Variants in CFAP20DC observed in about 807,000 individuals in gnomAD.
The protein encoded by CFAP20DC is CFAP20 domain containing.
A neutral mutation model predicts 101.7 loss-of-function variants in CFAP20DC; 84 were observed. The ratio of observed to expected loss-of-function variants is 0.83; its 90% CI spans 0.69 to 0.99. CFAP20DC has a LOEUF of 0.99. Among genes scored for constraint, CFAP20DC ranks in the 50% least tolerant of loss-of-function variants. The pLI is 0.00. For missense variants in CFAP20DC, 1,007 were observed against 970.3 expected (o/e 1.04, Z -0.50); for synonymous variants, 359 against 351.2 (o/e 1.02, Z -0.25).
intron 12 of CFAP20DC, chr3:58,862,744 G>A: frequency 9.3e-6 from 9 of 970,796 alleles, no homozygotes; most frequent in Non-Finnish European, 1.1e-5. Flanking sequence ...ATATAGAAAA[G>A]CTTTGTACAT....
In CFAP20DC at chr3:58,795,786, G is replaced by A. The variant is rs1204320996; in HGVS notation, c.2237+10609C>T. ...TGGGTTTCATAAGTTTATAATTTTC[G>A]AAAACATGACAATAACTGAAAATTA... On this transcript the variant is annotated intron_variant, in intron 15 of 16. Transcript: ENST00000482387. This position sits in a 1 kb window ranked among gnomAD's most constrained non-coding sequence, Gnocchi z 4.2. 1.3e-5 allele frequency among the ~76,000 whole-genome samples: 2 copies of A among 152,084 alleles called. No homozygotes were observed. Among genetic ancestry groups the A allele is most frequent in the Non-Finnish European group, 2.9e-5 (2 of 68,022 alleles).
At chr3:58,766,387 A>G (rs2070314639) in intron 15 of CFAP20DC, among the ~76,000 whole-genome samples, 1 of 152,086 alleles carries the variant, frequency 6.6e-6, no homozygotes, top group South Asian at 2.1e-4. Context: ...TTTTTCTCCT[A>G]AATAGCTTTG....
intron 16 of CFAP20DC, among the ~76,000 whole-genome samples, chr3:58,749,799 T>G (rs141221844): frequency 1.3e-5 from 2 of 152,242 alleles, no homozygotes; most frequent in Non-Finnish European, 2.9e-5. Flanking sequence ...TTGACAACTA[T>G]TCTTTGAGCA....
At chr3:58,905,759 G>A (rs953199468) in intron 6 of CFAP20DC, among the ~76,000 whole-genome samples, 3 of 152,128 alleles carry the variant, frequency 2.0e-5, no homozygotes, top group Non-Finnish European at 4.4e-5. Context: ...AGGTTAAAAA[G>A]CTTCCTATGA....
In CFAP20DC at chr3:58,866,970, A is replaced by G. The variant is rs117589760; in HGVS notation, c.1136-282T>C. On this transcript the variant is annotated intron_variant, in intron 10 of 16. Coordinates refer to ENST00000482387, the MANE Select transcript of CFAP20DC (RefSeq NM_001394063.1). Reference sequence around the variant, plus strand: ...GAATGCCAAAACCCATAAAATTTTTAAAGGATCTTATATTTTTTCCCTTGG... The same window carrying G: ...GAATGCCAAAACCCATAAAATTTTTGAAGGATCTTATATTTTTTCCCTTGG... Among the ~76,000 whole-genome samples, 637 of 152,286 alleles carry G rather than the reference A, an allele frequency of 4.2e-3. 8 individuals are homozygous for G. Among genetic ancestry groups the G allele is most frequent in the Non-Finnish European group, 3.4e-3 (233 of 68,024 alleles).
chr3:58,962,744 T>C (rs1282930456), intron 4 of CFAP20DC, among the ~76,000 whole-genome samples: 1 of 152,168 alleles, frequency 6.6e-6, no homozygotes, highest in Non-Finnish European at 1.5e-5. Flanking sequence ...GGCCCTCTTG[T>C]GTCTCCTCTG....
At chr3:59,011,136 G>C (rs1024494949) in intron 4 of CFAP20DC, among the ~76,000 whole-genome samples, 3 of 152,258 alleles carry the variant, frequency 2.0e-5, no homozygotes, top group African/African-American at 4.8e-5. Flanking sequence ...GGTGGCTCAC[G>C]CCTGTAATCC....
intron 6 of CFAP20DC, among the ~76,000 whole-genome samples, chr3:58,889,742 T>C (rs547317936): frequency 4.8e-4 from 65 of 135,716 alleles, no homozygotes; most frequent in Non-Finnish European, 9.2e-4. Context: ...AGATTAGGGA[T>C]TGGTGATGAC....
At chr3:58,951,223 G>T (rs1445786612) in intron 4 of CFAP20DC, among the ~76,000 whole-genome samples, 2 of 152,224 alleles carry the variant, frequency 1.3e-5, no homozygotes, top group Non-Finnish European at 2.9e-5. Context: ...TCTCACACCA[G>T]TTAGAATGGT....
At position 58,843,409 on chromosome 3, in the gene CFAP20DC, A is replaced by G. The variant is rs1357166475; in HGVS notation, c.1971+5623T>C. ...CATGTGATCAACTGGAAGAAAGGGTATCAGCAATGGAAGATGAAATGAATG... is the reference window on the plus strand; with the variant it reads ...CATGTGATCAACTGGAAGAAAGGGTGTCAGCAATGGAAGATGAAATGAATG... On this transcript the variant is annotated intron_variant, in intron 13 of 16. Coordinates refer to ENST00000482387, the MANE Select transcript of CFAP20DC (RefSeq NM_001394063.1). Among the ~76,000 whole-genome samples the G allele has an allele frequency of 4.6e-5, 7 of 152,144 alleles. No homozygotes were observed. In the South Asian group the frequency reaches 1.0e-3, roughly 23 times the overall value.
At position 58,856,029 on chromosome 3, in the gene CFAP20DC, G is replaced by GA. The variant is rs947389220; in HGVS notation, c.1594-6621dup. ...GAAAGAAAAAAAGGAATGACTGTAGGAAAAAAAACTTCAAAATAAAGTAGA... is the reference window on the plus strand; with the variant it reads ...GAAAGAAAAAAAGGAATGACTGTAGGAAAAAAAAACTTCAAAATAAAGTAGA... On this transcript the variant is annotated intron_variant, in intron 12 of 16. Transcript: ENST00000482387. 1.3e-4 allele frequency among the ~76,000 whole-genome samples: 20 copies of GA among 150,178 alleles called. No individual in the cohort carries two copies. The South Asian group carries it at 3.8e-3, about 29-fold the overall frequency.
At chr3:58,852,185 T>A (rs945180086) in intron 12 of CFAP20DC, among the ~76,000 whole-genome samples, 1 of 152,144 alleles carries the variant, frequency 6.6e-6, no homozygotes, top group Non-Finnish European at 1.5e-5. Context: ...TTTCTTCTCC[T>A]GTGACAATTC....
At chr3:58,887,622 G>C (rs984455492) in intron 6 of CFAP20DC, among the ~76,000 whole-genome samples, 2 of 152,096 alleles carry the variant, frequency 1.3e-5, no homozygotes, top group Non-Finnish European at 2.9e-5. Context: ...AACAAGGCAG[G>C]GACTATCACA....
At chr3:59,031,778 A>C (rs188041611) in intron 4 of CFAP20DC, among the ~76,000 whole-genome samples, 5 of 152,232 alleles carry the variant, frequency 3.3e-5, no homozygotes, top group South Asian at 2.1e-4. Context: ...AATTCATATA[A>C]ATTAAAAGAA....
At chr3:58,773,027 T>C (rs1456498594) in intron 15 of CFAP20DC, among the ~76,000 whole-genome samples, 1 of 151,966 alleles carries the variant, frequency 6.6e-6, no homozygotes, top group Non-Finnish European at 1.5e-5. Flanking sequence ...CTTTTTTTTT[T>C]TCTTAAAGCA....
In CFAP20DC at chr3:58,867,914, A is replaced by C. The variant is rs1354663417; in HGVS notation, c.1038T>G (p.His346Gln). The change falls in exon 10 of 17, where the codon CAT becomes CAG. Residue 346 changes from histidine to glutamine, a missense_variant. Coordinates refer to ENST00000482387, the MANE Select transcript of CFAP20DC (RefSeq NM_001394063.1). ...PIHAANLHIMHPHPPQEPSAD... is the reference protein window; with the variant it reads ...PIHAANLHIMQPHPPQEPSAD... ...CTGATGGTTCTTGAGGGGGATGCGG[A>C]TGCATAATATGTAGATTGGCTGCTA... 6.2e-7 allele frequency: 1 copy of C among 1,612,688 alleles called. No individual in the cohort carries two copies. The highest frequency in any genetic ancestry group is 8.5e-7 in the Non-Finnish European group (1 of 1,179,316).
chr3:59,000,714 A>G (rs1267714754), intron 4 of CFAP20DC, among the ~76,000 whole-genome samples: 1 of 152,184 alleles, frequency 6.6e-6, no homozygotes, highest in Admixed American at 6.5e-5. Context: ...ATTGGAGGGC[A>G]TACAGGATGT....
chr3:58,768,323 G>C (rs1390448654), intron 15 of CFAP20DC, among the ~76,000 whole-genome samples: 1 of 152,196 alleles, frequency 6.6e-6, no homozygotes, highest in Non-Finnish European at 1.5e-5. Context: ...GAATGAGGAA[G>C]TTTAAAATCT....
intron 15 of CFAP20DC, among the ~76,000 whole-genome samples, chr3:58,773,154 T>C (rs969438302): frequency 4.0e-5 from 6 of 151,782 alleles, no homozygotes; most frequent in African/African-American, 1.4e-4. Context: ...GAAACATAGG[T>C]GTTAGATTGG....
Sources: gnomAD v4.1 joint callset for allele counts (sites outside exome capture counted in the v4.1 genomes callset) on GRCh38, gnomAD v4.1.1 for gene constraint, Gnocchi (gnomAD v3.1) non-coding constraint, MANE v1.5 for transcripts, NCBI Gene and HGNC (gene_info 2026-07-23, HGNC 2026-07-21) for gene names.